Variants in SV2C observed in about 807,000 individuals in gnomAD.
The protein encoded by SV2C is solute carrier family 22 member B3.
SV2C carries 49 observed loss-of-function variants against 79.7 expected under a neutral mutation model. That is an observed-to-expected ratio of 0.61 (90% CI 0.49 to 0.78). The LOEUF is 0.78. Among genes scored for constraint, SV2C ranks in the 30% least tolerant of loss-of-function variants. The probability of loss-of-function intolerance (pLI) is 0.00; values close to 1 mark genes in which losing one functional copy is unlikely to be tolerated. For synonymous variants in SV2C, 334 were observed against 333.2 expected (o/e 1.00, Z -0.03); for missense variants, 833 against 912.9 (o/e 0.91, Z 1.13).
chr5:76,146,796 TTAA>T (rs370841154), intron 2 of SV2C, among the ~76,000 whole-genome samples: 40 of 67,082 alleles, frequency 6.0e-4, no homozygotes, highest in African/African-American at 2.8e-3. Context: ...GAGTTTTTTT[TTAA>T]AAAAAAAAAA....
chr5:76,082,756 TTTC>T (rs1747037782), upstream of SV2C, among the ~76,000 whole-genome samples: 1 of 151,974 alleles, frequency 6.6e-6, no homozygotes, highest in Non-Finnish European at 1.5e-5. Flanking sequence ...CCAGCGAAGT[TTTC>T]TTCTGTTTGC....
chr5:76,254,769 A>G (rs147221840), intron 4 of SV2C, among the ~76,000 whole-genome samples: 1 of 152,284 alleles, frequency 6.6e-6, no homozygotes, highest in Non-Finnish European at 1.5e-5. Flanking sequence ...ACTTGGAGTT[A>G]TTTACTTCTT....
chr5:76,212,894 C>T (rs1379877166), intron 4 of SV2C, among the ~76,000 whole-genome samples: 1 of 152,192 alleles, frequency 6.6e-6, no homozygotes, highest in Non-Finnish European at 1.5e-5. Context: ...ATGATCACCA[C>T]TTTCCTTTTT....
At chr5:76,337,231 G>C (rs1749346602), downstream of SV2C, among the ~76,000 whole-genome samples, 1 of 152,026 alleles carries the variant, frequency 6.6e-6, no homozygotes, top group Non-Finnish European at 1.5e-5. Context: ...TCCTTGGCTT[G>C]TGCATGGCCA....
At chr5:75,961,059 C>A in the SV2C span, among the ~76,000 whole-genome samples, 1 of 151,876 alleles carries the variant, frequency 6.6e-6, no homozygotes, top group African/African-American at 2.4e-5. Context: ...TGCCACGTAT[C>A]TAAATATTTT....
chr5:76,056,578 T>G, the SV2C span, among the ~76,000 whole-genome samples: 1 of 151,740 alleles, frequency 6.6e-6, no homozygotes, highest in East Asian at 1.9e-4. Context: ...GTTCTCTTTG[T>G]ACCTCTGATA....
intron 1 of SV2C, among the ~76,000 whole-genome samples, chr5:76,086,935 T>A (rs1029640492): frequency 5.9e-5 from 9 of 152,230 alleles, no homozygotes; most frequent in Non-Finnish European, 5.9e-5. Context: ...TTGAGAGGTA[T>A]TGAACAAAAT....
At chr5:75,975,706 C>T in the SV2C span, among the ~76,000 whole-genome samples, 4 of 152,054 alleles carry the variant, frequency 2.6e-5, no homozygotes, top group African/African-American at 9.7e-5. Flanking sequence ...TATGCAGAGC[C>T]TTGGGATGCA....
chr5:76,172,400 C>A (rs1440882826), intron 2 of SV2C, among the ~76,000 whole-genome samples: 7 of 59,826 alleles, frequency 1.2e-4, no homozygotes, highest in Non-Finnish European at 1.6e-4. Flanking sequence ...CCCGGCCAGC[C>A]GCCCCGTCCG....
the SV2C span, among the ~76,000 whole-genome samples, chr5:76,054,755 CT>C: frequency 8.2e-3 from 1,240 of 152,104 alleles, 25 homozygotes; most frequent in African/African-American, 0.029. Flanking sequence ...TGATGTTGAG[CT>C]TTTTTTTATA....
rs1234237955 is a variant in SV2C at position 76,301,504 on chromosome 5, T to G, written c.1959T>G (p.Ser653=). The change falls in exon 12 of 13, where the codon TCT becomes TCG. Residue 653 remains serine, a synonymous_variant. Coordinates refer to ENST00000502798, the MANE Select transcript of SV2C (RefSeq NM_014979.4). ...YNGLTISAWN[S]LDVVTVELYP... is the part of the protein sequence containing the mutation. ...GATTGACCATCTCAGCCTGGAACTCTCTTGACGTGGTCACTGTGGAACTGT... is the reference window on the plus strand; with the variant it reads ...GATTGACCATCTCAGCCTGGAACTCGCTTGACGTGGTCACTGTGGAACTGT... 2 of 1,613,946 alleles carry G rather than the reference T, an allele frequency of 1.2e-6. No individual in the cohort carries two copies. Among genetic ancestry groups the G allele is most frequent in the Non-Finnish European group, 1.7e-6 (2 of 1,179,998 alleles).
chr5:76,332,057 C>A lies in SV2C; in HGVS notation c.*6510C>A, dbSNP rs1054256293. On this transcript the variant is annotated 3_prime_UTR_variant, in exon 13 of 13. Transcript: ENST00000502798. ...CATTGGCTAGTGGAGGTAGATGGTACTCTCCATGTCTGCAGAAGATTCCCC... is the reference window on the plus strand; with the variant it reads ...CATTGGCTAGTGGAGGTAGATGGTAATCTCCATGTCTGCAGAAGATTCCCC... 6.6e-6 allele frequency: 1 copy of A among 152,198 alleles called. No individual in the cohort carries two copies. The highest frequency in any genetic ancestry group is 1.5e-5 in the Non-Finnish European group (1 of 68,042). The allele number at this position is 152,198 out of a possible 1,614,324, so 9.4% of individuals were successfully genotyped here.
the SV2C span, among the ~76,000 whole-genome samples, chr5:75,902,700 C>A: frequency 7.2e-6 from 1 of 138,844 alleles, no homozygotes; most frequent in South Asian, 2.1e-4. Flanking sequence ...GTCTTCCCTT[C>A]CCTTTGGACT....
chr5:76,100,056 A>G (rs946034809), intron 1 of SV2C, among the ~76,000 whole-genome samples: 1 of 152,228 alleles, frequency 6.6e-6, no homozygotes, highest in African/African-American at 2.4e-5. Context: ...TATTGTATCA[A>G]TTAGCCATAA....
chr5:76,002,848 C>T, the SV2C span, among the ~76,000 whole-genome samples: 1 of 147,888 alleles, frequency 6.8e-6, no homozygotes, highest in East Asian at 1.9e-4. Flanking sequence ...ACCCAGCTAC[C>T]CATTACTTCT....
intron 2 of SV2C, among the ~76,000 whole-genome samples, chr5:76,164,488 G>T (rs1388056158): frequency 6.6e-6 from 1 of 152,196 alleles, no homozygotes; most frequent in African/African-American, 2.4e-5. Flanking sequence ...GAGTGATGTG[G>T]CACATTTAAC....
intron 2 of SV2C, among the ~76,000 whole-genome samples, chr5:76,162,422 T>C (rs1413345018): frequency 6.6e-6 from 1 of 152,204 alleles, no homozygotes; most frequent in Non-Finnish European, 1.5e-5. Context: ...AGCATGAGCA[T>C]ATAGAAGACA....
chr5:76,321,301 A>G (rs1265953296), intron 12 of SV2C, among the ~76,000 whole-genome samples: 9 of 54,406 alleles, frequency 1.7e-4, no homozygotes, highest in East Asian at 1.9e-3. Context: ...TCTTAGGGGG[A>G]AAAAAAAAAC....
At chr5:76,262,169 G>T (rs183909048) in intron 4 of SV2C, among the ~76,000 whole-genome samples, 2 of 152,122 alleles carry the variant, frequency 1.3e-5, no homozygotes, top group Admixed American at 1.3e-4. Context: ...GACTTGGGAG[G>T]GTGTATGTGT....
Sources: gnomAD v4.1 joint callset for allele counts (sites outside exome capture counted in the v4.1 genomes callset) on GRCh38, gnomAD v4.1.1 for gene constraint, MANE v1.5 for transcripts, NCBI Gene and HGNC (gene_info 2026-07-23, HGNC 2026-07-21) for gene names.